The following SPRYD3 variants were observed in gnomAD, a reference collection of about 807,000 sequenced individuals.
The protein encoded by SPRYD3 is SPRY domain containing 3.
In SPRYD3, 17 loss-of-function variants were observed where a neutral mutation model predicts 50.1. The ratio of observed to expected loss-of-function variants is 0.34; its 90% CI spans 0.23 to 0.51. SPRYD3 has a LOEUF of 0.51. Among genes scored for constraint, SPRYD3 ranks in the 20% least tolerant of loss-of-function variants. SPRYD3 has a pLI of 0.97. For missense variants in SPRYD3, 401 were observed against 591.2 expected, an observed-to-expected ratio of 0.68 and a Z score of 3.34; for synonymous variants, 198 against 215.5, an observed-to-expected ratio of 0.92 and a Z score of 0.71.
At chr12:53,069,761 A>G (rs1944536023) in intron 6 of SPRYD3, among the ~76,000 whole-genome samples, 1 of 152,174 alleles carries the variant, frequency 6.6e-6, no homozygotes, top group Non-Finnish European at 1.5e-5. Flanking sequence ...CTCCCCGGGA[A>G]GCCAGGAGGG....
chr12:53,066,202 C>CG (rs1255234567), intron 10 of SPRYD3, 112 bp downstream of exon 10: 56 of 1,532,624 alleles, frequency 3.7e-5, no homozygotes, highest in Non-Finnish European at 4.8e-5. Context: ...CCTTGGGCAA[C>CG]GCCAGAGCTT....
At chr12:53,076,021 A>G (rs1037397708) in intron 2 of SPRYD3, among the ~76,000 whole-genome samples, 4 of 152,200 alleles carry the variant, frequency 2.6e-5, no homozygotes, top group Non-Finnish European at 5.9e-5. Context: ...TCCAACCCGT[A>G]CCAGACCAGT....
At chr12:53,073,256 G>GGCCCCGGGGGGGGGC in intron 6 of SPRYD3, 30 bp downstream of exon 6, 2 of 424,134 alleles carry the variant, frequency 4.7e-6, no homozygotes, top group East Asian at 3.8e-5. Context: ...CTCCGACCCA[G>GGCCCCGGGGGGGGGC]CCCCTCCCAC....
rs751226049 is a variant in SPRYD3, at chr12:53,067,684, G to C, written c.865C>G (p.Pro289Ala). Residue 289 changes from proline to alanine, a missense_variant, in exon 8 of 11, where the codon CCT (proline) becomes GCT (alanine). By Grantham distance (27) the Pro-to-Ala change is conservative. Coordinates refer to ENST00000301463, the MANE Select transcript of SPRYD3 (RefSeq NM_032840.3). ...GCCACAGACCCTCTGCTCCAGCCAG[G>C]GTGCCTGTTCTTGGGATAGTCCTGC... The part of the protein sequence containing the change: ...ARKDYPKNRH[P>A]GWSRGSVAYH... 6.2e-7 allele frequency: 1 copy of C among 1,614,048 alleles called. No homozygotes were observed. Among genetic ancestry groups the C allele is most frequent in the South Asian group, 1.1e-5 (1 of 91,068 alleles).
chr12:53,068,874 C>T (rs1944529645), intron 6 of SPRYD3, among the ~76,000 whole-genome samples: 1 of 152,180 alleles, frequency 6.6e-6, no homozygotes, highest in Non-Finnish European at 1.5e-5. Context: ...GCTGTGAACA[C>T]AGCTGTTCTT....
rs368246314 is a variant in SPRYD3 at position 53,077,261 on chromosome 12, C to A, written c.24G>T (p.Arg8=). The A allele has an allele frequency of 8.7e-6, 14 of 1,614,038 alleles. No homozygotes were observed. In the African/African-American group the frequency reaches 1.3e-4, roughly 15 times the overall value. The part of the protein sequence containing the change: MRRTRRP[R]FVLMNKMDDL... ...CATCCATCTTGTTCATGAGAACAAACCTGCCAAGGGGAGAAGGGGATTGAG... is the reference window on the plus strand; with the variant it reads ...CATCCATCTTGTTCATGAGAACAAAACTGCCAAGGGGAGAAGGGGATTGAG... Residue 8 remains arginine (R), a splice_region_variant and synonymous_variant, in exon 2 of 11, where the codon CGG becomes CGT. Transcript: ENST00000301463.
At position 53,066,387 on chromosome 12, in the gene SPRYD3, T is replaced by TCTTCCC. The variant is rs1944507413; in HGVS notation, c.1115_1120dup (p.Gly372_Glu373dup). 1.9e-6 allele frequency: 3 copies of TCTTCCC among 1,614,158 alleles called. No homozygotes were observed. The highest frequency in any genetic ancestry group is 2.5e-6 in the Non-Finnish European group (3 of 1,179,994). ...TTCCTCTTCCTCTTCCTCCTCTTCC[T>TCTTCCC]CTTCCCCTTCCTGGTGCAGGTACAT... On this transcript the variant is annotated inframe_insertion, in exon 10 of 11. Coordinates refer to ENST00000301463, the MANE Select transcript of SPRYD3 (RefSeq NM_032840.3).
chr12:53,076,350 C>T lies in SPRYD3; in HGVS notation c.171-539G>A, dbSNP rs190932761. The stretch of plus-strand genomic sequence containing the variant: ...CTCAGAAGGAGTCAGGGAAGGGGTT[C>T]AAGCCAGAAAAGAGGGAGGAAACAC... On this transcript the variant is annotated intron_variant, in intron 2 of 10. Coordinates refer to ENST00000301463, the MANE Select transcript of SPRYD3 (RefSeq NM_032840.3). Among the ~76,000 whole-genome samples the T allele has an allele frequency of 2.6e-5, 4 of 152,288 alleles. No individual in the cohort carries two copies. The East Asian group carries it at 7.7e-4, about 29-fold the overall frequency.
intron 6 of SPRYD3, 30 bp downstream of exon 6, chr12:53,073,256 G>GCCCCGGGGGGGGGGGCCCCC: frequency 2.4e-6 from 1 of 424,134 alleles, no homozygotes; most frequent in Non-Finnish European, 4.4e-6. Flanking sequence ...CTCCGACCCA[G>GCCCCGGGGGGGGGGGCCCCC]CCCCTCCCAC....
chr12:53,067,484 AAC>A (rs1447001578), intron 8 of SPRYD3, among the ~76,000 whole-genome samples, 162 bp downstream of exon 8: 3 of 151,976 alleles, frequency 2.0e-5, no homozygotes, highest in Non-Finnish European at 4.4e-5. Flanking sequence ...CTGGGAGGAA[AAC>A]ACAGATGAGG....
chr12:53,067,549 G>T, intron 8 of SPRYD3, 99 bp downstream of exon 8: 1 of 1,175,400 alleles, frequency 8.5e-7, no homozygotes, highest in Non-Finnish European at 1.3e-6. Flanking sequence ...AGGGCAAACA[G>T]CAAGGCCATT....
chr12:53,066,990 G>T (rs1002888424), intron 8 of SPRYD3, among the ~76,000 whole-genome samples: 1 of 151,820 alleles, frequency 6.6e-6, no homozygotes, highest in African/African-American at 2.4e-5. Flanking sequence ...CCCGTCTGTA[G>T]TCCCAGCTAC....
At chr12:53,067,519 A>C (rs1944518539) in intron 8 of SPRYD3, 129 bp downstream of exon 8, 1 of 805,658 alleles carries the variant, frequency 1.2e-6, no homozygotes, top group Non-Finnish European at 2.1e-6. Flanking sequence ...CGATTTGGGA[A>C]GGGGAGGTCA....
rs201934769 is a variant in SPRYD3 at position 53,073,479 on chromosome 12, G to A, written c.508-8C>T. 9.2e-6 allele frequency: 14 copies of A among 1,521,784 alleles called. No homozygotes were observed. The highest frequency in any genetic ancestry group is 1.4e-5 in the African/African-American group (1 of 72,956). The allele number at this position is 1,521,784 out of a possible 1,614,324, so 94.3% of individuals were successfully genotyped here. A position where few individuals can be genotyped will look rare whatever the true frequency, so the allele number is the denominator to read the frequency against. On this transcript the variant is annotated splice_polypyrimidine_tract_variant and splice_region_variant and intron_variant, in intron 5 of 10. Transcript: ENST00000301463. ...CATGATGGTAGAGCCCACCTGCAGT[G>A]GGGGGAAAGACGGAGCTGCCACCCG...
rs1365674374 is a variant in SPRYD3, at chr12:53,075,722, A to C, written c.246+14T>G. 6.2e-7 allele frequency: 1 copy of C among 1,610,870 alleles called. No individual in the cohort carries two copies. Among genetic ancestry groups the C allele is most frequent in the African/African-American group, 1.3e-5 (1 of 74,832 alleles). On this transcript the variant is annotated intron_variant, in intron 3 of 10. Transcript: ENST00000301463. Reference sequence around the variant, plus strand: ...AGCTCACCCCCTGCTCTGCCCACCCACTGCCTTGATCACCTCAAAATAATT... The same window carrying C: ...AGCTCACCCCCTGCTCTGCCCACCCCCTGCCTTGATCACCTCAAAATAATT...
chr12:53,066,123 T>A lies in SPRYD3; in HGVS notation c.1195-157A>T, dbSNP rs955150133. Among the ~76,000 whole-genome samples the A allele has an allele frequency of 2.6e-5, 4 of 152,066 alleles. No homozygotes were observed. The East Asian group carries it at 7.7e-4, about 29-fold the overall frequency. ...TATGGGAAGTGACCACCAGAGGGCG[T>A]GCTGAGGCCGGAAAACAGCCTCCCA... On this transcript the variant is annotated intron_variant, in intron 10 of 10. Transcript: ENST00000301463.
In SPRYD3 at chr12:53,065,550, C is replaced by T. The variant is rs1249317504; in HGVS notation, c.*282G>A. The T allele has an allele frequency of 5.3e-6, 2 of 379,072 alleles. No individual in the cohort carries two copies. Among genetic ancestry groups the T allele is most frequent in the Admixed American group, 8.0e-5 (2 of 24,994 alleles). 23.5% of individuals were successfully genotyped at this position (379,072 alleles called of 1,614,324 possible). A position where few individuals can be genotyped will look rare whatever the true frequency, so the allele number is the denominator to read the frequency against. On this transcript the variant is annotated 3_prime_UTR_variant, in exon 11 of 11. Coordinates refer to ENST00000301463, the MANE Select transcript of SPRYD3 (RefSeq NM_032840.3). ...GGTGAGGGAAAGGGGGACCCAGAAG[C>T]CCACTGACCAAAGCGAGTGGGACCA...
At position 53,075,718 on chromosome 12, in the gene SPRYD3, A is replaced by G; in HGVS notation, c.246+18T>C. The stretch of plus-strand genomic sequence containing the variant: ...CCCAAGCTCACCCCCTGCTCTGCCC[A>G]CCCACTGCCTTGATCACCTCAAAAT... On this transcript the variant is annotated intron_variant, in intron 3 of 10. Transcript: ENST00000301463. The G allele has an allele frequency of 1.9e-6, 3 of 1,608,568 alleles. No homozygotes were observed. Among genetic ancestry groups the G allele is most frequent in the Non-Finnish European group, 2.6e-6 (3 of 1,174,988 alleles).
chr12:53,071,002 GTCTCGTGCAC>G, intron 6 of SPRYD3, among the ~76,000 whole-genome samples: 1 of 152,248 alleles, frequency 6.6e-6, no homozygotes, highest in South Asian at 2.1e-4. Flanking sequence ...AGTGTGGACA[GTCTCGTGCAC>G]TCCACACCCT....
Sources: gnomAD v4.1 joint callset for allele counts (sites outside exome capture counted in the v4.1 genomes callset) on GRCh38, gnomAD v4.1.1 for gene constraint, MANE v1.5 for transcripts, NCBI Gene and HGNC (gene_info 2026-07-23, HGNC 2026-07-21) for gene names.